MDM2: variants seen among roughly 807,000 people sequenced by gnomAD.
The protein encoded by MDM2 is E3 ubiquitin-protein ligase Mdm2.
A neutral mutation model predicts 64.3 loss-of-function variants in MDM2; 11 were observed. That is an observed-to-expected ratio of 0.17 (90% CI 0.11 to 0.28). The LOEUF is 0.28. MDM2 is among the 10% of genes least tolerant of loss of function. MDM2 has a pLI of 1.00. For missense variants in MDM2, 388 were observed against 577.1 expected (o/e 0.67, Z 3.36); for synonymous variants, 194 against 192.9 (o/e 1.01, Z -0.05).
intron 7 of MDM2, chr12:68,828,510 G>A (rs1882521679): frequency 3.0e-6 from 1 of 335,022 alleles, no homozygotes; most frequent in Admixed American, 4.0e-5. Flanking sequence ...TGAGGCAGAG[G>A]TTGCAGTGAG....
intron 1 of MDM2, 122 bp downstream of exon 1, chr12:68,808,613 G>C: frequency 1.5e-6 from 2 of 1,378,906 alleles, no homozygotes; most frequent in Non-Finnish European, 2.0e-6. Flanking sequence ...GGGGCTCGGG[G>C]CGCGGGGCGC....
rs113391460 is a variant in MDM2 at position 68,841,228 on chromosome 12, A to G, written c.*1379A>G. 1 of 189,904 alleles carries G rather than the reference A, an allele frequency of 5.3e-6. No homozygotes were observed. Among genetic ancestry groups the G allele is most frequent in the Non-Finnish European group, 1.1e-5 (1 of 90,954 alleles). 11.8% of individuals were successfully genotyped at this position (189,904 alleles called of 1,614,324 possible). The stretch of plus-strand genomic sequence containing the variant: ...AGGTTAAAAAAAAAAAGGCTCTTAT[A>G]TTTGGTGCTATGTAAATGAAAATGT... On this transcript the variant is annotated 3_prime_UTR_variant, in exon 11 of 11. Coordinates refer to ENST00000258149, the MANE Select transcript of MDM2 (RefSeq NM_002392.6).
intron 8 of MDM2, among the ~76,000 whole-genome samples, chr12:68,833,256 T>C (rs1241630015): frequency 9.5e-5 from 12 of 126,168 alleles, no homozygotes; most frequent in African/African-American, 3.1e-4. Flanking sequence ...GTTATATATA[T>C]TTATATAATT....
chr12:68,809,060 C>T (rs1880620379), intron 1 of MDM2, 148 bp from the exon 2 acceptor site: 3 of 1,499,596 alleles, frequency 2.0e-6, no homozygotes, highest in Admixed American at 4.5e-5. Flanking sequence ...GGCACGGACG[C>T]ACGCCACTTT....
At chr12:68,836,228 A>T (rs1174735200) in intron 9 of MDM2, among the ~76,000 whole-genome samples, 1 of 152,160 alleles carries the variant, frequency 6.6e-6, no homozygotes, top group Non-Finnish European at 1.5e-5. Flanking sequence ...TGCTTATTAT[A>T]ATGGTCTGTT....
Position 68,808,310 on chromosome 12 carries a change from C to A in MDM2, c.-168C>A, listed in dbSNP as rs1880536185. ...CCTCTGACCGAGATCCTGCTGCTTT[C>A]GCAGCCAGGAGCACCGTCCCTCCCC... is the stretch of plus-strand genomic sequence containing the variant. On this transcript the variant is annotated 5_prime_UTR_variant, in exon 1 of 11. Transcript: ENST00000258149. The A allele has an allele frequency of 1.2e-6, 1 of 820,670 alleles. No individual in the cohort carries two copies. Among genetic ancestry groups the A allele is most frequent in the East Asian group, 2.8e-5 (1 of 36,220 alleles). 50.8% of individuals were successfully genotyped at this position (820,670 alleles called of 1,614,324 possible).
chr12:68,835,230 A>G (rs1395591900), intron 8 of MDM2, among the ~76,000 whole-genome samples: 1 of 152,244 alleles, frequency 6.6e-6, no homozygotes, highest in Non-Finnish European at 1.5e-5. Flanking sequence ...TATATAATTC[A>G]TTATTATACA....
At chr12:68,833,266 T>TTATATAAATATAAAA in intron 8 of MDM2, among the ~76,000 whole-genome samples, 1 of 78,904 alleles carries the variant, frequency 1.3e-5, no homozygotes, top group African/African-American at 3.9e-5. Flanking sequence ...TTTATATAAT[T>TTATATAAATATAAAA]ATATATTTAT....
rs746461755 is a variant in MDM2 at position 68,820,286 on chromosome 12, T to C, written c.309-39T>C. 1.1e-5 allele frequency: 16 copies of C among 1,428,310 alleles called. No homozygotes were observed. The South Asian group carries it at 1.5e-4, about 13-fold the overall frequency. The allele number at this position is 1,428,310 out of a possible 1,614,324, so 88.5% of individuals were successfully genotyped here. A position where few individuals can be genotyped will look rare whatever the true frequency, so the allele number is the denominator to read the frequency against. On this transcript the variant is annotated intron_variant, in intron 4 of 10. Coordinates refer to ENST00000258149, the MANE Select transcript of MDM2 (RefSeq NM_002392.6). The stretch of plus-strand genomic sequence containing the variant: ...CTTAATACAAATTTTTATTCTAAAA[T>C]GTACATCTCTTGTTATTTTTTTTTT...
intron 4 of MDM2, among the ~76,000 whole-genome samples, chr12:68,817,275 A>G (rs1446324464): frequency 6.6e-6 from 1 of 152,232 alleles, no homozygotes; most frequent in Non-Finnish European, 1.5e-5. Context: ...ATAAAAAAGC[A>G]TAGTTTTGGG....
At chr12:68,825,655 AAGAG>A (rs111343305) in intron 7 of MDM2, among the ~76,000 whole-genome samples, 31 of 152,246 alleles carry the variant, frequency 2.0e-4, no homozygotes, top group African/African-American at 3.6e-4. Context: ...GTCTAAAAAA[AAGAG>A]AGAGAGAGAA....
intron 4 of MDM2, 73 bp downstream of exon 4, chr12:68,817,018 C>T: frequency 6.6e-7 from 1 of 1,522,016 alleles, no homozygotes; most frequent in Non-Finnish European, 8.8e-7. Flanking sequence ...CCCTCATTCA[C>T]TTTTGTCAGA....
intron 10 of MDM2, among the ~76,000 whole-genome samples, chr12:68,838,136 T>G (rs899622824): frequency 7.2e-5 from 11 of 152,190 alleles, no homozygotes; most frequent in African/African-American, 2.7e-4. Context: ...AAAAACCCCC[T>G]TCTATAACTT....
intron 2 of MDM2, among the ~76,000 whole-genome samples, chr12:68,813,050 G>GAT (rs1261718290): frequency 6.6e-6 from 1 of 152,210 alleles, no homozygotes; most frequent in African/African-American, 2.4e-5. Context: ...GAGGCAGCAT[G>GAT]ATATAGTAGG....
chr12:68,833,543 G>A (rs1377694426), intron 8 of MDM2, among the ~76,000 whole-genome samples: 1 of 150,234 alleles, frequency 6.7e-6, no homozygotes, highest in Non-Finnish European at 1.5e-5. Flanking sequence ...ATTTTTTCAT[G>A]GTATTTTTTA....
chr12:68,817,941 G>T (rs1468821477), intron 4 of MDM2, among the ~76,000 whole-genome samples: 3 of 151,888 alleles, frequency 2.0e-5, no homozygotes, highest in Non-Finnish European at 2.9e-5. Context: ...GGGATTACAG[G>T]TGCCTGCTGC....
chr12:68,808,623 C>A, intron 1 of MDM2, 132 bp downstream of exon 1: 5 of 1,186,650 alleles, frequency 4.2e-6, no homozygotes, highest in Non-Finnish European at 5.7e-6. Context: ...GCGCGGGGCG[C>A]GGGGCATGGG....
At chr12:68,830,432 A>T (rs1882700338) in intron 8 of MDM2, among the ~76,000 whole-genome samples, 2 of 152,234 alleles carry the variant, frequency 1.3e-5, no homozygotes, top group Admixed American at 1.3e-4. Flanking sequence ...GCTCCTGCTC[A>T]GTCTGAGAGC....
chr12:68,844,530 T>C lies in MDM2; in HGVS notation c.*4681T>C, dbSNP rs1439636259. 4.4e-6 allele frequency: 1 copy of C among 228,506 alleles called. No homozygotes were observed. Among genetic ancestry groups the C allele is most frequent in the East Asian group, 6.2e-5 (1 of 16,024 alleles). 14.2% of individuals were successfully genotyped at this position (228,506 alleles called of 1,614,324 possible). On this transcript the variant is annotated 3_prime_UTR_variant, in exon 11 of 11. Transcript: ENST00000258149. ...GGAGGGGAGTTTGGGCTAGCCACCG[T>C]ACCACTTGTCAGCGTGAAAAGTAAG...
Sources: allele counts gnomAD v4.1 joint callset (sites outside exome capture counted in the v4.1 genomes callset), GRCh38; gene constraint gnomAD v4.1.1; transcripts MANE v1.5; gene names NCBI Gene and HGNC (gene_info 2026-07-23, HGNC 2026-07-21).